The following BASP1 variants were observed in gnomAD, a reference collection of about 807,000 sequenced individuals.
BASP1 encodes brain acid soluble protein 1.
In BASP1, 1 loss-of-function variant was observed where a neutral mutation model predicts 2.2. That is an observed-to-expected ratio of 0.46 (90% confidence interval 0.16 to 2.17). BASP1 has a LOEUF of 2.17. Ranked by LOEUF, BASP1 falls within the 30% of genes most tolerant of loss-of-function variation. BASP1 has a pLI of 0.27. For synonymous variants in BASP1, 187 were observed against 154.2 expected, an observed-to-expected ratio of 1.21 and a Z score of -1.58; for missense variants, 352 against 327.2, an observed-to-expected ratio of 1.08 and a Z score of -0.58.
chr5:17,256,124 C>T (rs1740205637), intron 1 of BASP1, among the ~76,000 whole-genome samples: 1 of 152,206 alleles, frequency 6.6e-6, no homozygotes, highest in African/African-American at 2.4e-5. Context: ...GCAGCTTCCA[C>T]CTTGGCCCAT....
At chr5:17,259,165 G>A (rs1740266996) in intron 1 of BASP1, among the ~76,000 whole-genome samples, 1 of 152,206 alleles carries the variant, frequency 6.6e-6, no homozygotes, top group African/African-American at 2.4e-5. Context: ...GCAAGGATGA[G>A]CAAGTCATGT....
chr5:17,255,262 C>G (rs1044432958), intron 1 of BASP1, among the ~76,000 whole-genome samples: 1 of 151,218 alleles, frequency 6.6e-6, no homozygotes, highest in African/African-American at 2.4e-5. Context: ...GGTGTAGATT[C>G]ACAAGAGCTA....
chr5:17,257,715 T>C (rs148192445), intron 1 of BASP1, among the ~76,000 whole-genome samples: 2 of 152,316 alleles, frequency 1.3e-5, no homozygotes, highest in Non-Finnish European at 2.9e-5. Flanking sequence ...CCAAAACTTA[T>C]TGGCAAGCCA....
intron 1 of BASP1, among the ~76,000 whole-genome samples, chr5:17,253,707 C>T (rs1740145993): frequency 6.6e-6 from 1 of 152,156 alleles, no homozygotes; most frequent in Admixed American, 6.6e-5. Flanking sequence ...TGAAGACCCT[C>T]AATTACCAAA....
chr5:17,235,421 G>A (rs951777380), intron 1 of BASP1, among the ~76,000 whole-genome samples: 3 of 151,630 alleles, frequency 2.0e-5, no homozygotes, highest in Non-Finnish European at 4.4e-5. Context: ...CCACCAGGCC[G>A]GGCTAATTTT....
In BASP1 at chr5:17,233,182, A is replaced by T. The variant is rs185225842; in HGVS notation, c.-10+15372A>T. ...GTTTGCATATTAAAACTATAGTTGT[A>T]GTTGAGGTGATGGTAGGCGTCTTTA... On this transcript the variant is annotated intron_variant, in intron 1 of 1. Coordinates refer to ENST00000322611, the MANE Select transcript of BASP1 (RefSeq NM_006317.5). Among the ~76,000 whole-genome samples the T allele has an allele frequency of 2.0e-5, 3 of 152,324 alleles. No homozygotes were observed. The East Asian group carries it at 5.8e-4, about 29-fold the overall frequency.
intron 1 of BASP1, among the ~76,000 whole-genome samples, chr5:17,230,278 T>A (rs915834510): frequency 2.0e-5 from 3 of 152,048 alleles, no homozygotes; most frequent in African/African-American, 7.2e-5. Flanking sequence ...AGACTTGGGG[T>A]TGAAGACAGA....
chr5:17,250,752 C>T (rs1740085750), intron 1 of BASP1, among the ~76,000 whole-genome samples: 1 of 152,086 alleles, frequency 6.6e-6, no homozygotes, highest in Non-Finnish European at 1.5e-5. Flanking sequence ...CTACAGGTGC[C>T]CACCACCATG....
At chr5:17,225,231 AC>A (rs1029517789) in intron 1 of BASP1, among the ~76,000 whole-genome samples, 2 of 151,326 alleles carry the variant, frequency 1.3e-5, no homozygotes, top group African/African-American at 4.9e-5. Context: ...GCAACGTAAA[AC>A]TTTTTTTTCT....
At chr5:17,240,176 G>C (rs1008826654) in intron 1 of BASP1, among the ~76,000 whole-genome samples, 4 of 150,230 alleles carry the variant, frequency 2.7e-5, no homozygotes, top group Admixed American at 1.3e-4. Context: ...ATAACAGGTT[G>C]GAGCCCAGGA....
chr5:17,250,780 A>T (rs1352927595), intron 1 of BASP1, among the ~76,000 whole-genome samples: 1 of 151,772 alleles, frequency 6.6e-6, no homozygotes, highest in Non-Finnish European at 1.5e-5. Context: ...AATTTGTTGT[A>T]TTTTTAGTAG....
intron 1 of BASP1, among the ~76,000 whole-genome samples, chr5:17,253,272 G>A (rs907097130): frequency 6.6e-5 from 10 of 152,260 alleles, no homozygotes; most frequent in African/African-American, 1.7e-4. Flanking sequence ...GTGCAGTGGC[G>A]TGATAATGGC....
intron 1 of BASP1, among the ~76,000 whole-genome samples, chr5:17,242,861 AG>A (rs1739896621): frequency 1.3e-5 from 2 of 151,548 alleles, no homozygotes; most frequent in African/African-American, 4.8e-5. Flanking sequence ...AAAAAAAAAA[AG>A]GTAATCGTAA....
chr5:17,267,667 C>T (rs1441405603), intron 1 of BASP1, among the ~76,000 whole-genome samples: 5 of 151,680 alleles, frequency 3.3e-5, no homozygotes, highest in African/African-American at 2.4e-5. Flanking sequence ...TATAGACGCA[C>T]GCCACTGCAC....
intron 1 of BASP1, among the ~76,000 whole-genome samples, chr5:17,268,892 A>G (rs957201738): frequency 6.6e-6 from 1 of 152,242 alleles, no homozygotes. Context: ...ATAGGACCAC[A>G]TATTTTTCCT....
chr5:17,246,151 C>CA (rs1434533514), intron 1 of BASP1, among the ~76,000 whole-genome samples: 5 of 152,054 alleles, frequency 3.3e-5, no homozygotes, highest in Non-Finnish European at 7.4e-5. Context: ...CTTTAAAGGA[C>CA]AGTTGAGACT....
At chr5:17,218,042 A>G (rs989978354) in intron 1 of BASP1, among the ~76,000 whole-genome samples, 1 of 147,258 alleles carries the variant, frequency 6.8e-6, no homozygotes, top group East Asian at 2.1e-4. Context: ...AGCCGCTCGC[A>G]TGGTGGAGGG....
At position 17,260,587 on chromosome 5, in the gene BASP1, T is replaced by A. The variant is rs938927489; in HGVS notation, c.-9-14621T>A. 6.6e-6 allele frequency among the ~76,000 whole-genome samples: 1 copy of A among 152,220 alleles called. No individual in the cohort carries two copies. Among genetic ancestry groups the A allele is most frequent in the African/African-American group, 2.4e-5 (1 of 41,448 alleles). The stretch of plus-strand genomic sequence containing the variant: ...CGGAAATTTCAGTTACAATTTAGTT[T>A]ATTGATTTTTTTCTACTGCTGGTGA... On this transcript the variant is annotated intron_variant, in intron 1 of 1. Coordinates refer to ENST00000322611, the MANE Select transcript of BASP1 (RefSeq NM_006317.5). The surrounding 1 kb of genome is among the most constrained non-coding windows in gnomAD (Gnocchi z 4.2).
chr5:17,263,280 AT>A lies in BASP1; in HGVS notation c.-9-11918del, dbSNP rs936900347. ...TTTATGGGGTACAAAGTAGTATTAC[AT>A]TTTTTTTTTAACATTTCTTTTCTTT... On this transcript the variant is annotated intron_variant, in intron 1 of 1. Transcript: ENST00000322611. Among the ~76,000 whole-genome samples, 349 of 149,742 alleles carry A rather than the reference AT, an allele frequency of 2.3e-3. 1 individual carries two copies. Among genetic ancestry groups the A allele is most frequent in the African/African-American group, 7.8e-3 (318 of 40,896 alleles).
Sources: allele counts gnomAD v4.1 joint callset (sites outside exome capture counted in the v4.1 genomes callset), GRCh38; gene constraint gnomAD v4.1.1; non-coding constraint Gnocchi (gnomAD v3.1); transcripts MANE v1.5; gene names NCBI Gene and HGNC (gene_info 2026-07-23, HGNC 2026-07-21).